SNTB1: variants seen among roughly 807,000 people sequenced by gnomAD.
SNTB1 encodes the protein beta-1-syntrophin.
SNTB1 carries 36 observed loss-of-function variants against 48.9 expected under a neutral mutation model. The observed-to-expected ratio is 0.74, with a 90% CI of 0.56 to 0.97. SNTB1 has a LOEUF of 0.97. SNTB1 is among the 50% of genes least tolerant of loss of function. SNTB1 has a pLI of 0.00. For synonymous variants in SNTB1, 299 were observed against 294.6 expected (o/e 1.01, Z -0.15); for missense variants, 786 against 703.4 (o/e 1.12, Z -1.33).
intron 2 of SNTB1, among the ~76,000 whole-genome samples, chr8:120,659,894 T>TA (rs1207726044): frequency 1.3e-5 from 2 of 152,228 alleles, no homozygotes; most frequent in Admixed American, 6.5e-5. Flanking sequence ...TCTCCTTGTA[T>TA]ATCTCCATCA....
intron 3 of SNTB1, among the ~76,000 whole-genome samples, chr8:120,631,930 G>C (rs765249582): frequency 1.3e-5 from 2 of 152,120 alleles, no homozygotes; most frequent in African/African-American, 4.8e-5. Flanking sequence ...GCTGGCTTAA[G>C]AGCATAAATA....
chr8:120,594,612 G>A (rs373389777), intron 3 of SNTB1, among the ~76,000 whole-genome samples: 4 of 152,136 alleles, frequency 2.6e-5, no homozygotes, highest in South Asian at 2.1e-4. Flanking sequence ...GGCCTCAAGC[G>A]ATCCTCCCAC....
chr8:120,718,218 ATCTGTCCTCCCTG>A (rs774634785), intron 1 of SNTB1, among the ~76,000 whole-genome samples: 34 of 152,218 alleles, frequency 2.2e-4, no homozygotes, highest in Admixed American at 2.2e-3. Flanking sequence ...GCCTGTGAGC[ATCTGTCCTCCCTG>A]TCTGTCCTCC....
intron 3 of SNTB1, among the ~76,000 whole-genome samples, chr8:120,605,949 G>A (rs1025084411): frequency 5.3e-5 from 8 of 152,062 alleles, no homozygotes; most frequent in African/African-American, 1.9e-4. Context: ...CTGCCAAGGT[G>A]GGAGGCTTGG....
chr8:120,596,831 T>C (rs1816334312), intron 3 of SNTB1, among the ~76,000 whole-genome samples: 1 of 152,216 alleles, frequency 6.6e-6, no homozygotes, highest in Non-Finnish European at 1.5e-5. Flanking sequence ...GCTTATGTGA[T>C]GAGACTGGGC....
chr8:120,556,331 AT>A (rs1450172393), intron 4 of SNTB1, among the ~76,000 whole-genome samples: 1 of 152,232 alleles, frequency 6.6e-6, no homozygotes, highest in Non-Finnish European at 1.5e-5. Flanking sequence ...CAACCCGATC[AT>A]TATAAAGATC....
At chr8:120,665,632 T>C (rs1037233700) in intron 2 of SNTB1, among the ~76,000 whole-genome samples, 4 of 152,196 alleles carry the variant, frequency 2.6e-5, no homozygotes, top group Non-Finnish European at 4.4e-5. Context: ...TGGTGTCTTA[T>C]CTAGAACCTT....
intron 4 of SNTB1, among the ~76,000 whole-genome samples, chr8:120,559,470 G>A (rs1313142205): frequency 6.6e-6 from 1 of 152,162 alleles, no homozygotes; most frequent in Non-Finnish European, 1.5e-5. Flanking sequence ...TGCCCAATGT[G>A]ATGAATTCCA....
chr8:120,704,756 T>C (rs984759841), intron 1 of SNTB1, among the ~76,000 whole-genome samples: 1 of 152,184 alleles, frequency 6.6e-6, no homozygotes, highest in African/African-American at 2.4e-5. Flanking sequence ...CACCTAATGC[T>C]TATGATGACA....
chr8:120,638,003 C>T (rs1817111624), intron 2 of SNTB1: 1 of 182,270 alleles, frequency 5.5e-6, no homozygotes, highest in Admixed American at 5.9e-5. Context: ...TCATTATTAA[C>T]ACCAACAGTA....
At chr8:120,810,252 GGTAT>G (rs1345860737) in intron 1 of SNTB1, among the ~76,000 whole-genome samples, 5 of 152,150 alleles carry the variant, frequency 3.3e-5, no homozygotes, top group African/African-American at 7.2e-5. Flanking sequence ...TGCTGACAGA[GGTAT>G]GTACACAGCA....
intron 2 of SNTB1, among the ~76,000 whole-genome samples, chr8:120,643,969 T>C (rs1817238721): frequency 6.6e-6 from 1 of 152,148 alleles, no homozygotes; most frequent in Admixed American, 6.5e-5. Flanking sequence ...AGAATTAGGC[T>C]CCACTAGGAT....
At chr8:120,631,917 G>A (rs1195419544) in intron 3 of SNTB1, among the ~76,000 whole-genome samples, 1 of 152,196 alleles carries the variant, frequency 6.6e-6, no homozygotes, top group Non-Finnish European at 1.5e-5. Flanking sequence ...ACATTAAAGA[G>A]TGGCTGGCTT....
At position 120,811,293 on chromosome 8, in the gene SNTB1, C is replaced by A; in HGVS notation, c.551G>T (p.Gly184Val). The stretch of plus-strand genomic sequence containing the variant: ...CTTACCTTCCAGCAGCACTTCCTTG[C>A]CCGCGCGCTTCAACGCCTGCACCGC... ...DEAVQALKRAGKEVLLEVKYM... is the reference protein window; with the variant it reads ...DEAVQALKRAVKEVLLEVKYM... Residue 184 changes from glycine (G) to valine (V), a missense_variant, in exon 1 of 7, where the codon GGC becomes GTC. Transcript: ENST00000517992. 6.2e-7 allele frequency: 1 copy of A among 1,604,266 alleles called. No individual in the cohort carries two copies. Among genetic ancestry groups the A allele is most frequent in the Non-Finnish European group, 8.5e-7 (1 of 1,178,600 alleles).
In SNTB1 at chr8:120,704,566, G is replaced by A. The variant is rs142931157; in HGVS notation, c.572-10658C>T. Among the ~76,000 whole-genome samples, 963 of 152,064 alleles carry A rather than the reference G, an allele frequency of 6.3e-3. 13 individuals are homozygous for A. The highest frequency in any genetic ancestry group is 0.022 in the African/African-American group (911 of 41,482). On this transcript the variant is annotated intron_variant, in intron 1 of 6. Transcript: ENST00000517992. ...GTGTTTTCATAAAGAAAAAAGATAA[G>A]CCAGGGTAAAAAGAGGCTGGAACTA...
At position 120,590,825 on chromosome 8, in the gene SNTB1, T is replaced by C. The variant is rs139092380; in HGVS notation, c.997-15600A>G. 3.0e-4 allele frequency among the ~76,000 whole-genome samples: 45 copies of C among 152,074 alleles called. 1 individual carries two copies. The East Asian group carries it at 8.3e-3, about 28-fold the overall frequency. Reference sequence around the variant, plus strand: ...CCTCAGGCTCCCGAGTAGCTGGTATTATAGGCATGCACCACCGTGCCTGGC... The same window carrying C: ...CCTCAGGCTCCCGAGTAGCTGGTATCATAGGCATGCACCACCGTGCCTGGC... On this transcript the variant is annotated intron_variant, in intron 3 of 6. Coordinates refer to ENST00000517992, the MANE Select transcript of SNTB1 (RefSeq NM_021021.4).
intron 1 of SNTB1, among the ~76,000 whole-genome samples, chr8:120,807,527 G>A (rs893804292): frequency 6.6e-6 from 1 of 152,252 alleles, no homozygotes; most frequent in African/African-American, 2.4e-5. Context: ...CGGCTTAACT[G>A]GCAGAGTTTA....
intron 1 of SNTB1, among the ~76,000 whole-genome samples, chr8:120,712,904 G>A (rs998221435): frequency 6.6e-5 from 10 of 152,094 alleles, no homozygotes; most frequent in African/African-American, 2.4e-4. Flanking sequence ...TCCAGCCCTA[G>A]CATTACCCAT....
intron 1 of SNTB1, among the ~76,000 whole-genome samples, chr8:120,754,570 G>A (rs1346335743): frequency 1.3e-5 from 2 of 152,116 alleles, no homozygotes; most frequent in Non-Finnish European, 2.9e-5. Context: ...CCCTAAAGTG[G>A]GGATAAGAAT....
Sources: gnomAD v4.1 joint callset for allele counts (sites outside exome capture counted in the v4.1 genomes callset) on GRCh38, gnomAD v4.1.1 for gene constraint, MANE v1.5 for transcripts, NCBI Gene and HGNC (gene_info 2026-07-23, HGNC 2026-07-21) for gene names.